ANTXR2: variants seen among roughly 807,000 people sequenced by gnomAD.
ANTXR2 encodes the protein anthrax toxin receptor 2.
A neutral mutation model predicts 73.7 loss-of-function variants in ANTXR2; 44 were observed. The ratio of observed to expected loss-of-function variants is 0.60; its 90% CI spans 0.47 to 0.77. The LOEUF (loss-of-function observed/expected upper bound fraction) is 0.77, where lower values mean the gene tolerates loss of function less well. Among genes scored for constraint, ANTXR2 ranks in the 30% least tolerant of loss-of-function variants. The pLI, the probability that ANTXR2 is intolerant of heterozygous loss-of-function variation, is 0.00. For synonymous variants in ANTXR2, 217 were observed against 205.9 expected, an observed-to-expected ratio of 1.05 and a Z score of -0.46; for missense variants, 604 against 592.5, an observed-to-expected ratio of 1.02 and a Z score of -0.20.
intron 10 of ANTXR2, among the ~76,000 whole-genome samples, chr4:80,020,899 C>T (rs557382079): frequency 3.6e-4 from 55 of 152,186 alleles, no homozygotes; most frequent in African/African-American, 1.3e-3. Context: ...CAGTGGCTCA[C>T]GCCTGTAATC....
At chr4:79,986,934 C>T (rs1437545047) in intron 12 of ANTXR2, among the ~76,000 whole-genome samples, 1 of 152,186 alleles carries the variant, frequency 6.6e-6, no homozygotes, top group African/African-American at 2.4e-5. Flanking sequence ...ATCAACTAAA[C>T]ACAATTTATA....
chr4:80,016,667 T>G (rs1358059973), intron 11 of ANTXR2, among the ~76,000 whole-genome samples: 1 of 152,200 alleles, frequency 6.6e-6, no homozygotes, highest in Non-Finnish European at 1.5e-5. Flanking sequence ...TCATTCAACC[T>G]CACCACAACT....
intron 16 of ANTXR2, among the ~76,000 whole-genome samples, chr4:79,937,646 G>C (rs1334284904): frequency 6.6e-6 from 1 of 152,180 alleles, no homozygotes; most frequent in Non-Finnish European, 1.5e-5. Context: ...GTAACAACTT[G>C]AATGCTTATG....
intron 16 of ANTXR2, among the ~76,000 whole-genome samples, chr4:79,919,814 T>A (rs1420122502): frequency 2.0e-5 from 3 of 148,352 alleles, no homozygotes; most frequent in Non-Finnish European, 4.5e-5. Context: ...CCCTTTTATA[T>A]ATACATCTAT....
intron 16 of ANTXR2, among the ~76,000 whole-genome samples, chr4:79,912,807 C>A (rs2109931384): frequency 1.3e-5 from 2 of 152,002 alleles, no homozygotes; most frequent in East Asian, 3.9e-4. Context: ...AATTCAGATT[C>A]ATCTATTTTA....
Position 79,903,650 on chromosome 4 carries a change from T to C in ANTXR2, c.*3779A>G, listed in dbSNP as rs878983715. 6.6e-6 allele frequency: 1 copy of C among 152,172 alleles called. No homozygotes were observed. The highest frequency in any genetic ancestry group is 2.4e-5 in the African/African-American group (1 of 41,460). The allele number at this position is 152,172 out of a possible 1,614,324, so 9.4% of individuals were successfully genotyped here. On this transcript the variant is annotated 3_prime_UTR_variant, in exon 17 of 17. Coordinates refer to ENST00000403729, the MANE Select transcript of ANTXR2 (RefSeq NM_058172.6). ...TTAAAGTGTTCTCAGAAATATGTCA[T>C]AGAAATTCACTAAGCACAATATTAA...
intron 2 of ANTXR2, among the ~76,000 whole-genome samples, chr4:80,069,731 C>T (rs1261415428): frequency 6.6e-6 from 1 of 152,144 alleles, no homozygotes; most frequent in Non-Finnish European, 1.5e-5. Context: ...TCCTCCATGA[C>T]CCATAAGGAC....
intron 14 of ANTXR2, among the ~76,000 whole-genome samples, chr4:79,981,851 G>T (rs1219021229): frequency 6.6e-6 from 1 of 152,074 alleles, no homozygotes; most frequent in Non-Finnish European, 1.5e-5. Context: ...TTACAAGTTG[G>T]CTGCGGTTTT....
intron 8 of ANTXR2, among the ~76,000 whole-genome samples, chr4:80,035,761 T>C (rs950046774): frequency 2.6e-5 from 4 of 152,122 alleles, no homozygotes; most frequent in Non-Finnish European, 4.4e-5. Context: ...TGTCACACAA[T>C]ATGCTCATTA....
At chr4:80,012,024 T>C (rs1731609011) in intron 11 of ANTXR2, among the ~76,000 whole-genome samples, 1 of 152,238 alleles carries the variant, frequency 6.6e-6, no homozygotes, top group Non-Finnish European at 1.5e-5. Flanking sequence ...ACTGCTGCCC[T>C]TGCAACATAA....
chr4:79,914,603 T>G (rs1727275747), intron 16 of ANTXR2, among the ~76,000 whole-genome samples: 1 of 152,160 alleles, frequency 6.6e-6, no homozygotes, highest in Non-Finnish European at 1.5e-5. Flanking sequence ...TGCTTTTTCT[T>G]ATTCTCTTAG....
chr4:79,980,113 G>A (rs1729821576), intron 14 of ANTXR2, among the ~76,000 whole-genome samples: 1 of 151,972 alleles, frequency 6.6e-6, no homozygotes, highest in Admixed American at 6.6e-5. Flanking sequence ...GACCCAATGT[G>A]GCATTTCTAG....
chr4:80,057,004 A>T (rs1159869177), intron 3 of ANTXR2, among the ~76,000 whole-genome samples: 4 of 151,968 alleles, frequency 2.6e-5, no homozygotes, highest in Non-Finnish European at 2.9e-5. Flanking sequence ...ATATCTTAAG[A>T]TATTGTTTTC....
chr4:79,966,501 A>G (rs952038940), intron 16 of ANTXR2, among the ~76,000 whole-genome samples: 3 of 152,000 alleles, frequency 2.0e-5, no homozygotes, highest in African/African-American at 7.2e-5. Flanking sequence ...TGCCAAATAT[A>G]CTCTAAATTC....
chr4:80,065,777 G>A (rs896337105), intron 3 of ANTXR2, among the ~76,000 whole-genome samples: 11 of 152,172 alleles, frequency 7.2e-5, no homozygotes, highest in African/African-American at 1.9e-4. Flanking sequence ...TGAGAAACAT[G>A]AAAGAGCTAC....
At chr4:79,982,936 C>T (rs1286802113) in intron 14 of ANTXR2, among the ~76,000 whole-genome samples, 1 of 152,102 alleles carries the variant, frequency 6.6e-6, no homozygotes, top group Non-Finnish European at 1.5e-5. Context: ...AAAGGGGAAA[C>T]TCTCCTTGGG....
chr4:80,028,448 A>G (rs1732538154), intron 10 of ANTXR2, among the ~76,000 whole-genome samples: 1 of 152,166 alleles, frequency 6.6e-6, no homozygotes, highest in Non-Finnish European at 1.5e-5. Context: ...AATTCATGAA[A>G]TAACATAAAG....
At chr4:80,007,669 A>T (rs1215081452) in intron 12 of ANTXR2, among the ~76,000 whole-genome samples, 1 of 152,200 alleles carries the variant, frequency 6.6e-6, no homozygotes, top group Non-Finnish European at 1.5e-5. Context: ...ATGTGACTAC[A>T]GAAAAATGGT....
At position 79,937,736 on chromosome 4, in the gene ANTXR2, A is replaced by G. The variant is rs1379696810; in HGVS notation, c.1429-30269T>C. On this transcript the variant is annotated intron_variant, in intron 16 of 16. Coordinates refer to ENST00000403729, the MANE Select transcript of ANTXR2 (RefSeq NM_058172.6). ...CCTAAGAGAGGAGCCAAGATGGCCGAATAGGAACAGCTCCGGTCTACAGCT... is the reference window on the plus strand; with the variant it reads ...CCTAAGAGAGGAGCCAAGATGGCCGGATAGGAACAGCTCCGGTCTACAGCT... Among the ~76,000 whole-genome samples the G allele has an allele frequency of 4.6e-5, 7 of 152,280 alleles. No individual in the cohort carries two copies. In the East Asian group the frequency reaches 1.2e-3, roughly 25 times the overall value.
Sources: allele counts gnomAD v4.1 joint callset (sites outside exome capture counted in the v4.1 genomes callset), GRCh38; gene constraint gnomAD v4.1.1; transcripts MANE v1.5; gene names NCBI Gene and HGNC (gene_info 2026-07-23, HGNC 2026-07-21).